The following MALRD1 variants were observed in gnomAD, a reference collection of about 807,000 sequenced individuals.
MALRD1 encodes the protein MAM and LDL receptor class A domain containing 1.
A neutral mutation model predicts 242.1 loss-of-function variants in MALRD1; 247 were observed. The observed-to-expected ratio is 1.02, with a 90% CI of 0.92 to 1.13. The LOEUF (loss-of-function observed/expected upper bound fraction) is 1.13, where lower values mean the gene tolerates loss of function less well. MALRD1 is among the 50% of genes most tolerant of loss of function. The probability of loss-of-function intolerance (pLI) is 0.00; values close to 1 mark genes in which losing one functional copy is unlikely to be tolerated. For missense variants in MALRD1, 2,989 were observed against 2,533.1 expected (o/e 1.18, Z -3.86); for synonymous variants, 995 against 866.6 (o/e 1.15, Z -2.60).
At chr10:19,489,185 C>T (rs751941960) in intron 29 of MALRD1, 3 of 471,752 alleles carry the variant, frequency 6.4e-6, no homozygotes, top group South Asian at 4.6e-5. Flanking sequence ...TAAACCTGCT[C>T]CTGCAAAAGT....
chr10:19,049,176 T>C (rs1227106923), intron 1 of MALRD1, 39 bp downstream of exon 1: 20 of 1,231,344 alleles, frequency 1.6e-5, no homozygotes, highest in Admixed American at 4.2e-5. Context: ...CAATTCCCCG[T>C]ACAGCCTGAA....
chr10:19,464,947 A>ATTTTTTTTTTTT lies in MALRD1; in HGVS notation c.5029+14457_5029+14458insTTTTTTTTTTTT, dbSNP rs1564365370. 2.5e-5 allele frequency among the ~76,000 whole-genome samples: 2 copies of ATTTTTTTTTTTT among 80,976 alleles called. 1 individual carries two copies. Among genetic ancestry groups the ATTTTTTTTTTTT allele is most frequent in the African/African-American group, 7.8e-5 (2 of 25,716 alleles). 53.1% of individuals were successfully genotyped at this position (80,976 alleles called of 152,430 possible). A position where few individuals can be genotyped will look rare whatever the true frequency, so the allele number is the denominator to read the frequency against. ...CACCTCCTTGGTTAGGTATAATTCC[A>ATTTTTTTTTTTT]ATTTTTTTTTTTTTTTTTTTTGCAG... On this transcript the variant is annotated intron_variant, in intron 29 of 39. Transcript: ENST00000454679.
At chr10:19,194,794 T>C (rs939347332) in intron 14 of MALRD1, among the ~76,000 whole-genome samples, 1 of 152,158 alleles carries the variant, frequency 6.6e-6, no homozygotes, top group African/African-American at 2.4e-5. Flanking sequence ...ACTTAAATTC[T>C]CTCCATTCAG....
At chr10:19,603,651 G>C (rs912550118) in intron 34 of MALRD1, among the ~76,000 whole-genome samples, 1 of 152,026 alleles carries the variant, frequency 6.6e-6, no homozygotes, top group Non-Finnish European at 1.5e-5. Context: ...TTGTTGTTTT[G>C]GCTTAGGATT....
intron 18 of MALRD1, among the ~76,000 whole-genome samples, chr10:19,215,063 C>A (rs1038056429): frequency 1.3e-5 from 2 of 152,296 alleles, no homozygotes; most frequent in East Asian, 1.9e-4. Flanking sequence ...TGAGTGATCC[C>A]CTTTTGCTTT....
At chr10:19,199,076 G>A (rs915755605) in intron 14 of MALRD1, among the ~76,000 whole-genome samples, 5 of 152,032 alleles carry the variant, frequency 3.3e-5, no homozygotes, top group Non-Finnish European at 4.4e-5. Flanking sequence ...ATCAAATAAA[G>A]GACAACCTCT....
intron 36 of MALRD1, among the ~76,000 whole-genome samples, chr10:19,634,135 C>T (rs1353311241): frequency 6.6e-6 from 1 of 152,046 alleles, no homozygotes; most frequent in Non-Finnish European, 1.5e-5. Flanking sequence ...GCCACCCCAC[C>T]CGGCTACACA....
At chr10:19,353,588 G>A (rs1343718740) in intron 26 of MALRD1, among the ~76,000 whole-genome samples, 1 of 152,114 alleles carries the variant, frequency 6.6e-6, no homozygotes, top group Non-Finnish European at 1.5e-5. Flanking sequence ...TGCCTGACAG[G>A]CTTCTAACAC....
chr10:19,389,737 T>A, intron 28 of MALRD1, 128 bp downstream of exon 28: 1 of 980,414 alleles, frequency 1.0e-6, no homozygotes, highest in Non-Finnish European at 1.5e-6. Flanking sequence ...ACTCCTGGAC[T>A]CAAGCGATCC....
chr10:19,294,151 CAAAAATT>C (rs1465267906), intron 21 of MALRD1, among the ~76,000 whole-genome samples: 1 of 152,092 alleles, frequency 6.6e-6, no homozygotes, highest in African/African-American at 2.4e-5. Context: ...CAATTGCATT[CAAAAATT>C]AAAAATTCAT....
chr10:19,595,437 A>C lies in MALRD1; in HGVS notation c.5924A>C (p.Asn1975Thr). ...LCDGVPDCHF[N>T]EDELICSNKS... ...GATGGAGTGCCCGACTGCCACTTTA[A>C]TGAAGATGAGCTCATCTGCTGTGAG... The change falls in exon 34 of 40, where the codon AAT (asparagine) becomes ACT (threonine). Residue 1975 changes from asparagine to threonine, a missense_variant. By Grantham distance (65) the Asn-to-Thr change is moderately conservative. Coordinates refer to ENST00000454679, the MANE Select transcript of MALRD1 (RefSeq NM_001142308.3). 1 of 1,550,162 alleles carries C rather than the reference A, an allele frequency of 6.5e-7. No individual in the cohort carries two copies. The highest frequency in any genetic ancestry group is 8.7e-7 in the Non-Finnish European group (1 of 1,146,686).
At chr10:19,534,787 T>C (rs1834579943) in intron 32 of MALRD1, among the ~76,000 whole-genome samples, 1 of 151,760 alleles carries the variant, frequency 6.6e-6, no homozygotes, top group African/African-American at 2.4e-5. Context: ...AATTTTTATA[T>C]TACTTACTAA....
intron 26 of MALRD1, among the ~76,000 whole-genome samples, chr10:19,358,701 T>C (rs528267592): frequency 1.3e-5 from 2 of 152,308 alleles, no homozygotes; most frequent in East Asian, 1.9e-4. Context: ...TAGTAACATA[T>C]AGCACTTTTG....
intron 33 of MALRD1, among the ~76,000 whole-genome samples, chr10:19,592,306 G>A (rs1837833223): frequency 6.6e-6 from 1 of 152,214 alleles, no homozygotes; most frequent in Non-Finnish European, 1.5e-5. Flanking sequence ...GCAATAAGAG[G>A]CTCAGCCGAT....
In MALRD1 at chr10:19,718,006, AAAT is replaced by A. The variant is rs1465296038; in HGVS notation, c.6315-12697_6315-12695del. ...CACTCCAGAGAGATTCTACCTAAAT[AAAT>A]AAATAAATAAATAAATAAATAAAGA... On this transcript the variant is annotated intron_variant, in intron 38 of 39. Transcript: ENST00000454679. Among the ~76,000 whole-genome samples the A allele has an allele frequency of 1.5e-4, 23 of 150,254 alleles. No individual in the cohort carries two copies. The East Asian group carries it at 1.6e-3, about 10-fold the overall frequency.
rs192511955 is a variant in MALRD1 at position 19,311,113 on chromosome 10, T to C, written c.3420-12836T>C. ...ATGCTGAAGACAAGGGCAAAAGAGA[T>C]ACAGTAACAATAATAACATCTTTCA... On this transcript the variant is annotated intron_variant, in intron 21 of 39. Transcript: ENST00000454679. Among the ~76,000 whole-genome samples the C allele has an allele frequency of 4.4e-4, 66 of 151,614 alleles. 1 individual carries two copies. The East Asian group carries it at 0.012, about 28-fold the overall frequency.
chr10:19,731,724 T>C (rs1835304821), intron 39 of MALRD1, among the ~76,000 whole-genome samples: 1 of 152,210 alleles, frequency 6.6e-6, no homozygotes, highest in Admixed American at 6.5e-5. Context: ...ATAAAGTAAG[T>C]TTAGTTATGA....
chr10:19,719,201 T>TACACACAC (rs1564567225), intron 38 of MALRD1, among the ~76,000 whole-genome samples: 1 of 95,900 alleles, frequency 1.0e-5, no homozygotes, highest in African/African-American at 5.2e-5. Context: ...CATACATATA[T>TACACACAC]ATATATATAT....
chr10:19,060,041 T>C (rs1279275141), intron 1 of MALRD1, among the ~76,000 whole-genome samples: 1 of 152,202 alleles, frequency 6.6e-6, no homozygotes, highest in Non-Finnish European at 1.5e-5. Flanking sequence ...GTGCATTGTC[T>C]AGTCCTATTT....
Sources: allele counts gnomAD v4.1 joint callset (sites outside exome capture counted in the v4.1 genomes callset), GRCh38; gene constraint gnomAD v4.1.1; transcripts MANE v1.5; gene names NCBI Gene and HGNC (gene_info 2026-07-23, HGNC 2026-07-21).